Variants in WARS1 observed in about 807,000 individuals in gnomAD.
WARS1 encodes tryptophan--tRNA ligase, cytoplasmic.
A neutral mutation model predicts 47.8 loss-of-function variants in WARS1; 17 were observed. The observed-to-expected ratio is 0.36, with a 90% confidence interval of 0.24 to 0.53. The LOEUF (loss-of-function observed/expected upper bound fraction) is 0.53. WARS1 is among the 20% of genes least tolerant of loss of function. WARS1 has a pLI of 0.91. For missense variants in WARS1, 434 were observed against 608.0 expected (o/e 0.71, Z 3.01); for synonymous variants, 208 against 228.1 (o/e 0.91, Z 0.79).
rs1256025240 is a variant in WARS1, at chr14:100,334,366, TTC to T, written c.*507_*508del. On this transcript the variant is annotated 3_prime_UTR_variant, in exon 11 of 11. Coordinates refer to ENST00000392882, the MANE Select transcript of WARS1 (RefSeq NM_004184.4). ...TATAACGAAGCTTTTACTTATCAATTTCTTTTTGGGAGGGGGCATGGGCTGAA... is the reference window on the plus strand; with the variant it reads ...TATAACGAAGCTTTTACTTATCAATTTTTTTGGGAGGGGGCATGGGCTGAA... The T allele has an allele frequency of 6.6e-6, 1 of 152,406 alleles. No individual in the cohort carries two copies. Among genetic ancestry groups the T allele is most frequent in the Non-Finnish European group, 1.5e-5 (1 of 68,054 alleles). The allele number at this position is 152,406 out of a possible 1,614,324, so 9.4% of individuals were successfully genotyped here.
rs774738389 is a variant in WARS1 at position 100,369,093 on chromosome 14, C to T, written c.93G>A (p.Ala31=). 30 of 1,550,428 alleles carry T rather than the reference C, an allele frequency of 1.9e-5. No individual in the cohort carries two copies. The highest frequency in any genetic ancestry group is 1.7e-4 in the Middle Eastern group (1 of 5,828). ...ACCCAGCAAAATCATGTACCTTTGACGCATTTCCCGCTTTGAGGGACCTTA... is the reference window on the plus strand; with the variant it reads ...ACCCAGCAAAATCATGTACCTTTGATGCATTTCCCGCTTTGAGGGACCTTA... ...ELVRSLKAGN[A]SKDEIDSAVK... The change falls in exon 2 of 11, where the codon GCG becomes GCA. Residue 31 remains alanine, a synonymous_variant. Coordinates refer to ENST00000392882, the MANE Select transcript of WARS1 (RefSeq NM_004184.4).
chr14:100,355,032 G>A (rs1895223855), intron 4 of WARS1, among the ~76,000 whole-genome samples: 1 of 152,126 alleles, frequency 6.6e-6, no homozygotes. Flanking sequence ...GAGTTCAGAG[G>A]TCAAGTGCCC....
chr14:100,354,259 C>T, intron 5 of WARS1, 188 bp downstream of exon 5: 1 of 751,494 alleles, frequency 1.3e-6, no homozygotes, highest in South Asian at 2.1e-5. Context: ...GCGCTCTCCC[C>T]ATCACTCCAT....
At chr14:100,358,368 G>A (rs1427080415) in intron 4 of WARS1, among the ~76,000 whole-genome samples, 2 of 152,132 alleles carry the variant, frequency 1.3e-5, no homozygotes, top group African/African-American at 4.8e-5. Context: ...TCCTGACCTC[G>A]TGATCCGCCT....
Position 100,342,443 on chromosome 14 carries a change from G to T in WARS1, c.1068C>A (p.Asn356Lys), listed in dbSNP as rs1486228798. Residue 356 changes from asparagine to lysine, a missense_variant, in exon 9 of 11, where the codon AAC becomes AAA. By Grantham distance (94) the Asn-to-Lys change is moderately conservative. This residue lies in a region of WARS1 where 347 missense variants were observed against 523.8 expected (regional missense o/e 0.66). Coordinates refer to ENST00000392882, the MANE Select transcript of WARS1 (RefSeq NM_004184.4). ...CCGTGTCGGTGAGGAAGATGGAGGA[G>T]TTGGGGTCGCTGGCACTCATTTTGG... ...AQTKMSASDPNSSIFLTDTAK... is the reference protein window; with the variant it reads ...AQTKMSASDPKSSIFLTDTAK... 6.2e-7 allele frequency: 1 copy of T among 1,614,022 alleles called. No homozygotes were observed. The highest frequency in any genetic ancestry group is 8.5e-7 in the Non-Finnish European group (1 of 1,180,020).
chr14:100,337,246 T>C (rs1893804601), intron 9 of WARS1, 44 bp from the exon 10 acceptor site: 2 of 1,596,886 alleles, frequency 1.3e-6, no homozygotes, highest in African/African-American at 1.3e-5. Flanking sequence ...GTCCTGCTCA[T>C]CCTGTGCCTG....
intron 10 of WARS1, among the ~76,000 whole-genome samples, chr14:100,335,455 G>A (rs1490501144): frequency 2.0e-5 from 3 of 151,470 alleles, no homozygotes; most frequent in Non-Finnish European, 4.4e-5. Flanking sequence ...TCAGCTCACT[G>A]CAACCTCCGC....
Position 100,335,051 on chromosome 14 carries a change from A to C in WARS1, c.1255-15T>G, listed in dbSNP as rs747956658. On this transcript the variant is annotated splice_polypyrimidine_tract_variant and intron_variant, in intron 10 of 10. Coordinates refer to ENST00000392882, the MANE Select transcript of WARS1 (RefSeq NM_004184.4). ...CTGGTGTAATCCTGCCCGGAGGGAG[A>C]CAGCCACGTGAGAGATGGCTCCACA... is the stretch of plus-strand genomic sequence containing the variant. 6.2e-7 allele frequency: 1 copy of C among 1,610,290 alleles called. No homozygotes were observed. Among genetic ancestry groups the C allele is most frequent in the African/African-American group, 1.3e-5 (1 of 74,948 alleles).
At chr14:100,352,108 CTTT>C (rs1172421175) in intron 6 of WARS1, among the ~76,000 whole-genome samples, 1 of 94,254 alleles carries the variant, frequency 1.1e-5, no homozygotes, top group Non-Finnish European at 2.0e-5. Flanking sequence ...CAGTTTCTTT[CTTT>C]TTTTTTTTTT....
Position 100,363,604 on chromosome 14 carries a change from A to G in WARS1, c.100-1683T>C, listed in dbSNP as rs2140052943. Among the ~76,000 whole-genome samples, 2 of 152,240 alleles carry G rather than the reference A, an allele frequency of 1.3e-5. 1 individual carries two copies. Among genetic ancestry groups the G allele is most frequent in the Middle Eastern group, 6.8e-3 (2 of 294 alleles). On this transcript the variant is annotated intron_variant, in intron 2 of 10. Transcript: ENST00000392882. ...CCTAGCTCATCGGGAGGCTGAAGTCAGAGGATTGCTTGAGCCAGGGAGGCA... is the reference window on the plus strand; with the variant it reads ...CCTAGCTCATCGGGAGGCTGAAGTCGGAGGATTGCTTGAGCCAGGGAGGCA...
rs1409511309 is a variant in WARS1, at chr14:100,373,145, CA to C, written c.-74+2137del. Among the ~76,000 whole-genome samples the C allele has an allele frequency of 2.0e-5, 3 of 152,218 alleles. No homozygotes were observed. Among genetic ancestry groups the C allele is most frequent in the Non-Finnish European group, 1.5e-5 (1 of 68,040 alleles). ...TTCCATGTACCTCTAGTACCTGGCA[CA>C]CAGCTTATCAAAAAATATTTACCTA... On this transcript the variant is annotated intron_variant, in intron 1 of 10. Coordinates refer to ENST00000392882, the MANE Select transcript of WARS1 (RefSeq NM_004184.4). This position sits in a 1 kb window ranked among gnomAD's most constrained non-coding sequence, Gnocchi z 4.4.
In WARS1 at chr14:100,361,794, T is replaced by C; in HGVS notation, c.227A>G (p.Asp76Gly). Residue 76 changes from aspartate to glycine, a missense_variant, in exon 3 of 11, where the codon GAT (aspartate) becomes GGT (glycine). Coordinates refer to ENST00000392882, the MANE Select transcript of WARS1 (RefSeq NM_004184.4). ...NPAPTSNHGP[D>G]ATEAEEDFVD... ...AAAATCCTCTTCAGCTTCTGTGGCA[T>C]CTGGGCCATGATTACTGGTAGGTGC... 1.9e-6 allele frequency: 3 copies of C among 1,614,226 alleles called. No homozygotes were observed. The highest frequency in any genetic ancestry group is 2.5e-6 in the Non-Finnish European group (3 of 1,180,048).
chr14:100,335,770 CAAAGT>C (rs1425446584), intron 10 of WARS1, among the ~76,000 whole-genome samples: 1 of 152,160 alleles, frequency 6.6e-6, no homozygotes, highest in Non-Finnish European at 1.5e-5. Context: ...AAAGCAGCAG[CAAAGT>C]AAAGAAAAAT....
chr14:100,344,059 GCTTCCCT>G (rs11276770), intron 7 of WARS1, among the ~76,000 whole-genome samples: 103,589 of 151,438 alleles, frequency 0.68, 36,607 homozygotes, highest in Admixed American at 0.81. Context: ...AGTTATGATG[GCTTCCCT>G]CTTCCCTCTT....
intron 5 of WARS1, 71 bp downstream of exon 5, chr14:100,354,376 T>C (rs1413581282): frequency 6.4e-7 from 1 of 1,569,314 alleles, no homozygotes; most frequent in Non-Finnish European, 8.6e-7. Flanking sequence ...TTGTCAGTTC[T>C]AAACATGGTT....
intron 2 of WARS1, chr14:100,366,602 TGA>T (rs1896012622): frequency 1.4e-6 from 1 of 724,218 alleles, no homozygotes; most frequent in East Asian, 2.5e-5. Context: ...TTGAGTGTCC[TGA>T]GAGGTCAGAT....
chr14:100,368,351 A>G, intron 2 of WARS1: 1 of 445,920 alleles, frequency 2.2e-6, no homozygotes. Context: ...TGGTCATAAT[A>G]ATGTCAGTGT....
At chr14:100,370,386 G>T (rs1460774971) in intron 1 of WARS1, 1 of 151,684 alleles carries the variant, frequency 6.6e-6, no homozygotes, top group African/African-American at 2.4e-5. Context: ...AGAACAAAAT[G>T]AGAAAAAAAA....
rs780004876 is a variant in WARS1, at chr14:100,343,413, C to T, written c.827-26G>A. ...CTGAAAATGAGAAAAAGTATTTTTA[C>T]ACGTGAGATGAGTTCCTGTTCTGCT... is the stretch of plus-strand genomic sequence containing the variant. On this transcript the variant is annotated intron_variant, in intron 7 of 10. Coordinates refer to ENST00000392882, the MANE Select transcript of WARS1 (RefSeq NM_004184.4). 6 of 1,565,000 alleles carry T rather than the reference C, an allele frequency of 3.8e-6. No homozygotes were observed. In the African/African-American group the frequency reaches 4.1e-5, roughly 11 times the overall value.
Sources: gnomAD v4.1 joint callset for allele counts (sites outside exome capture counted in the v4.1 genomes callset) on GRCh38, gnomAD v4.1.1 for gene constraint, gnomAD v4.1.1 regional missense constraint, Gnocchi (gnomAD v3.1) non-coding constraint, MANE v1.5 for transcripts, NCBI Gene and HGNC (gene_info 2026-07-23, HGNC 2026-07-21) for gene names.